CALCR: variants seen among roughly 807,000 people sequenced by gnomAD.
The protein encoded by CALCR is calcitonin receptor.
A neutral mutation model predicts 59.5 loss-of-function variants in CALCR; 47 were observed. The ratio of observed to expected loss-of-function variants is 0.79; its 90% confidence interval spans 0.63 to 1.01. The LOEUF is 1.01. CALCR is among the 50% of genes least tolerant of loss of function. The probability of loss-of-function intolerance (pLI) is 0.00; values close to 1 mark genes in which losing one functional copy is unlikely to be tolerated. For synonymous variants in CALCR, 213 were observed against 211.3 expected (o/e 1.01, Z -0.07); for missense variants, 566 against 597.1 (o/e 0.95, Z 0.54).
At chr7:93,514,989 G>C (rs1801620285) in intron 2 of CALCR, among the ~76,000 whole-genome samples, 1 of 151,974 alleles carries the variant, frequency 6.6e-6, no homozygotes, top group African/African-American at 2.4e-5. Context: ...AGGCCATGTG[G>C]ATTCCAGCAA....
chr7:93,553,180 T>C (rs1789510383), intron 2 of CALCR, among the ~76,000 whole-genome samples: 1 of 152,204 alleles, frequency 6.6e-6, no homozygotes, highest in South Asian at 2.1e-4. Flanking sequence ...GGTGGAGATA[T>C]TTCACTGACA....
chr7:93,454,931 T>A (rs1389137212), intron 8 of CALCR, among the ~76,000 whole-genome samples: 1 of 151,512 alleles, frequency 6.6e-6, no homozygotes, highest in Admixed American at 6.6e-5. Flanking sequence ...TGTGTGTGTG[T>A]GTGTGTGTGT....
At chr7:93,547,052 A>G (rs1014296850) in intron 2 of CALCR, among the ~76,000 whole-genome samples, 1 of 152,158 alleles carries the variant, frequency 6.6e-6, no homozygotes, top group African/African-American at 2.4e-5. Context: ...TGCAGAATGG[A>G]GACAGATCTC....
intron 3 of CALCR, among the ~76,000 whole-genome samples, chr7:93,486,291 T>G (rs933218911): frequency 6.6e-6 from 1 of 151,672 alleles, no homozygotes. Flanking sequence ...TAGGCATTGA[T>G]AGTGTTCTCT....
chr7:93,571,939 C>T (rs1245372312), intron 2 of CALCR, among the ~76,000 whole-genome samples: 1 of 152,184 alleles, frequency 6.6e-6, no homozygotes, highest in Non-Finnish European at 1.5e-5. Flanking sequence ...CAAAAGGGTA[C>T]GTATTTGTAC....
chr7:93,436,212 A>G (rs1423320998), intron 11 of CALCR, 42 bp from the exon 12 acceptor site: 2 of 1,496,178 alleles, frequency 1.3e-6, no homozygotes, highest in Non-Finnish European at 1.9e-6. Flanking sequence ...ACAGAAAAGT[A>G]TCACTTAAGA....
chr7:93,554,271 A>T (rs1789536309), intron 2 of CALCR, among the ~76,000 whole-genome samples: 1 of 152,220 alleles, frequency 6.6e-6, no homozygotes, highest in Non-Finnish European at 1.5e-5. Context: ...TTCTATTACA[A>T]GTCATGTGTT....
At chr7:93,522,010 TG>T (rs1028670725) in intron 2 of CALCR, among the ~76,000 whole-genome samples, 3 of 152,168 alleles carry the variant, frequency 2.0e-5, no homozygotes, top group Admixed American at 6.5e-5. Context: ...TATTTTGTTT[TG>T]TTTTTTTGAA....
intron 2 of CALCR, among the ~76,000 whole-genome samples, chr7:93,573,684 T>G (rs1790053673): frequency 6.6e-6 from 1 of 152,238 alleles, no homozygotes; most frequent in African/African-American, 2.4e-5. Flanking sequence ...TCTTGATGTC[T>G]TTCACCCAGG....
chr7:93,479,778 T>G (rs1054455876), intron 3 of CALCR, among the ~76,000 whole-genome samples: 1 of 151,824 alleles, frequency 6.6e-6, no homozygotes, highest in Non-Finnish European at 1.5e-5. Context: ...CTTTATCAGC[T>G]AGGATTGTTT....
intron 13 of CALCR, among the ~76,000 whole-genome samples, chr7:93,427,570 A>C (rs1050147581): frequency 6.6e-6 from 1 of 152,174 alleles, no homozygotes; most frequent in African/African-American, 2.4e-5. Flanking sequence ...AACACATGAG[A>C]GAGAACCTGG....
intron 2 of CALCR, among the ~76,000 whole-genome samples, chr7:93,526,452 GA>G (rs993550461): frequency 1.1e-4 from 16 of 151,220 alleles, no homozygotes; most frequent in African/African-American, 2.4e-4. Context: ...AAAGAAGGGG[GA>G]AAAAGGCAGA....
intron 2 of CALCR, among the ~76,000 whole-genome samples, chr7:93,536,549 T>G (rs1788993095): frequency 6.6e-6 from 1 of 151,830 alleles, no homozygotes; most frequent in African/African-American, 2.4e-5. Flanking sequence ...TTATTTTTAA[T>G]TTTATCATTA....
At chr7:93,491,963 G>A (rs1801087921) in intron 2 of CALCR, among the ~76,000 whole-genome samples, 2 of 151,850 alleles carry the variant, frequency 1.3e-5, no homozygotes, top group Non-Finnish European at 2.9e-5. Flanking sequence ...TATGTTTATT[G>A]CAGCACTATT....
intron 2 of CALCR, among the ~76,000 whole-genome samples, chr7:93,494,281 T>A (rs1801149493): frequency 6.6e-6 from 1 of 151,400 alleles, no homozygotes; most frequent in African/African-American, 2.4e-5. Flanking sequence ...CTCAACAGTG[T>A]TATTAAAATG....
chr7:93,556,677 A>ATAT (rs1554408635), intron 2 of CALCR, among the ~76,000 whole-genome samples: 5 of 151,578 alleles, frequency 3.3e-5, no homozygotes, highest in African/African-American at 1.2e-4. Context: ...ATATATATAT[A>ATAT]TTTTTTCCTG....
intron 2 of CALCR, among the ~76,000 whole-genome samples, chr7:93,499,867 C>G (rs575954763): frequency 6.6e-6 from 1 of 151,784 alleles, no homozygotes; most frequent in Non-Finnish European, 1.5e-5. Flanking sequence ...CACATACATA[C>G]GAAACCATTC....
At chr7:93,434,118 A>G in intron 13 of CALCR, 135 bp downstream of exon 13, 1 of 703,076 alleles carries the variant, frequency 1.4e-6, no homozygotes, top group Non-Finnish European at 2.6e-6. Flanking sequence ...TGGAAAAAAC[A>G]TCATGTTGCT....
At chr7:93,537,010 T>G (rs375242299) in intron 2 of CALCR, among the ~76,000 whole-genome samples, 2 of 151,706 alleles carry the variant, frequency 1.3e-5, no homozygotes, top group Non-Finnish European at 3.0e-5. Flanking sequence ...ATATCAAAAA[T>G]TATAAAGAAC....
Sources: gnomAD v4.1 joint callset for allele counts (sites outside exome capture counted in the v4.1 genomes callset) on GRCh38, gnomAD v4.1.1 for gene constraint, MANE v1.5 for transcripts, NCBI Gene and HGNC (gene_info 2026-07-23, HGNC 2026-07-21) for gene names.